The following ELMO1 variants were observed in gnomAD, a reference collection of about 807,000 sequenced individuals.
ELMO1 encodes engulfment and cell motility protein 1.
A neutral mutation model predicts 98.9 loss-of-function variants in ELMO1; 26 were observed. That is an observed-to-expected ratio of 0.26 (90% CI 0.19 to 0.36). ELMO1 has a LOEUF of 0.36. Ranked by LOEUF, ELMO1 falls within the 10% of genes least tolerant of loss-of-function variation. The pLI, the probability that ELMO1 is intolerant of heterozygous loss-of-function variation, is 1.00. For missense variants in ELMO1, 627 were observed against 935.2 expected, an observed-to-expected ratio of 0.67 and a Z score of 4.30; for synonymous variants, 346 against 346.0, an observed-to-expected ratio of 1.00 and a Z score of 0.00.
chr7:36,940,847 C>T (rs951223949), intron 16 of ELMO1, among the ~76,000 whole-genome samples: 4 of 152,170 alleles, frequency 2.6e-5, no homozygotes, highest in Non-Finnish European at 5.9e-5. Flanking sequence ...AAGCCATGCA[C>T]ACAATTAGCT....
chr7:36,903,779 A>G (rs1438222100), intron 16 of ELMO1, among the ~76,000 whole-genome samples: 1 of 152,206 alleles, frequency 6.6e-6, no homozygotes, highest in Non-Finnish European at 1.5e-5. Context: ...GTGCTGCCCA[A>G]TGTGACTTAC....
chr7:37,032,562 A>G (rs1024858423), intron 15 of ELMO1, among the ~76,000 whole-genome samples: 4 of 152,202 alleles, frequency 2.6e-5, no homozygotes, highest in African/African-American at 9.6e-5. Flanking sequence ...ATGGCTGGTT[A>G]GATCATCCTC....
At chr7:36,894,735 T>C in intron 17 of ELMO1, 119 bp downstream of exon 17, 1 of 1,260,558 alleles carries the variant, frequency 7.9e-7, no homozygotes, top group South Asian at 1.4e-5. Context: ...ACTTGGAATG[T>C]CTTCTGCTGG....
chr7:37,128,196 C>T (rs1271097401), intron 14 of ELMO1, among the ~76,000 whole-genome samples: 1 of 139,710 alleles, frequency 7.2e-6, no homozygotes. Flanking sequence ...GTATCTTAAA[C>T]AAACAAACAA....
intron 1 of ELMO1, among the ~76,000 whole-genome samples, chr7:37,447,402 T>C (rs1257843225): frequency 6.6e-6 from 1 of 151,916 alleles, no homozygotes; most frequent in African/African-American, 2.4e-5. Context: ...GGGAAGCCCA[T>C]GATCCAGCGC....
At chr7:36,884,564 C>A (rs910432677) in intron 18 of ELMO1, among the ~76,000 whole-genome samples, 1 of 152,124 alleles carries the variant, frequency 6.6e-6, no homozygotes, top group Non-Finnish European at 1.5e-5. Context: ...GGACTTCAAC[C>A]CAGCTTATTG....
At chr7:37,241,762 T>C (rs973301741) in intron 7 of ELMO1, among the ~76,000 whole-genome samples, 2 of 152,186 alleles carry the variant, frequency 1.3e-5, no homozygotes, top group Admixed American at 1.3e-4. Flanking sequence ...CTTGCTGTAG[T>C]GTAGTTGCTC....
intron 2 of ELMO1, among the ~76,000 whole-genome samples, chr7:37,319,711 T>C (rs7811792): frequency 0.35 from 53,176 of 152,090 alleles, 9,539 homozygotes; most frequent in East Asian, 0.56. Context: ...TCTTTCTTCC[T>C]TAATACATTC....
chr7:37,073,901 A>G (rs1797418865), intron 15 of ELMO1, among the ~76,000 whole-genome samples: 1 of 151,418 alleles, frequency 6.6e-6, no homozygotes, highest in Non-Finnish European at 1.5e-5. Context: ...TTTTTAATGT[A>G]TTGATTTTAT....
chr7:37,146,444 C>A (rs559261644), intron 13 of ELMO1, among the ~76,000 whole-genome samples: 8 of 152,166 alleles, frequency 5.3e-5, no homozygotes, highest in Admixed American at 5.2e-4. Flanking sequence ...CTTGACTCCC[C>A]CTGTACTAGG....
chr7:37,167,297 G>C (rs932114767), intron 13 of ELMO1, among the ~76,000 whole-genome samples: 2 of 152,094 alleles, frequency 1.3e-5, no homozygotes, highest in African/African-American at 2.4e-5. Context: ...TATCCAATTT[G>C]CCAATCTGTG....
At chr7:37,070,467 C>T (rs1797209687) in intron 15 of ELMO1, among the ~76,000 whole-genome samples, 1 of 152,180 alleles carries the variant, frequency 6.6e-6, no homozygotes, top group Non-Finnish European at 1.5e-5. Context: ...ATATTGCACC[C>T]TTTCTTGATT....
intron 15 of ELMO1, among the ~76,000 whole-genome samples, chr7:37,021,900 C>T (rs572100765): frequency 6.6e-6 from 1 of 152,188 alleles, no homozygotes; most frequent in East Asian, 1.9e-4. Flanking sequence ...GCAATGAAGA[C>T]AGTGTGGTAT....
chr7:37,219,379 A>G (rs934638473), intron 10 of ELMO1, among the ~76,000 whole-genome samples: 2 of 152,228 alleles, frequency 1.3e-5, no homozygotes, highest in African/African-American at 4.8e-5. Flanking sequence ...AGTCCTGTGA[A>G]TGTGTCTGGC....
chr7:36,964,937 T>A (rs73688410), intron 16 of ELMO1, among the ~76,000 whole-genome samples: 1 of 152,140 alleles, frequency 6.6e-6, no homozygotes, highest in East Asian at 1.9e-4. Flanking sequence ...GTACAAGTTC[T>A]CCAACTGGCC....
At chr7:37,271,806 G>C in intron 5 of ELMO1, 26 bp downstream of exon 5, 1 of 1,611,534 alleles carries the variant, frequency 6.2e-7, no homozygotes, top group Non-Finnish European at 8.5e-7. Flanking sequence ...GAGTTTGCTG[G>C]AAGTCAGAAG....
chr7:37,435,119 G>C (rs1305428182), intron 1 of ELMO1: 4 of 152,246 alleles, frequency 2.6e-5, no homozygotes, highest in African/African-American at 4.8e-5. Context: ...ATTTCCGTTT[G>C]GTCCAAGTGC....
At chr7:37,175,099 C>T (rs6980398) in intron 13 of ELMO1, among the ~76,000 whole-genome samples, 23,544 of 151,216 alleles carry the variant, frequency 0.16, 2,159 homozygotes, top group Middle Eastern at 0.29. Context: ...AAAAGGAAGG[C>T]GGGAAAAGAA....
chr7:37,089,668 T>C (rs969620055), intron 15 of ELMO1, among the ~76,000 whole-genome samples: 1 of 152,244 alleles, frequency 6.6e-6, no homozygotes, highest in Non-Finnish European at 1.5e-5. Context: ...TACTAGTGCA[T>C]TTCCCCAATT....
Sources: gnomAD v4.1 joint callset for allele counts (sites outside exome capture counted in the v4.1 genomes callset) on GRCh38, gnomAD v4.1.1 for gene constraint, MANE v1.5 for transcripts, NCBI Gene and HGNC (gene_info 2026-07-23, HGNC 2026-07-21) for gene names.